PRDM5: variants seen among roughly 807,000 people sequenced by gnomAD.
PRDM5 encodes the protein PR/SET domain 5, also known as PR domain zinc finger protein 5.
A neutral mutation model predicts 81.2 loss-of-function variants in PRDM5; 56 were observed. That is an observed-to-expected ratio of 0.69 (90% CI 0.56 to 0.86). The LOEUF (loss-of-function observed/expected upper bound fraction) is 0.86. PRDM5 is among the 40% of genes least tolerant of loss of function. The probability of loss-of-function intolerance (pLI) is 0.00; values close to 1 mark genes in which losing one functional copy is unlikely to be tolerated. For missense variants in PRDM5, 697 were observed against 770.1 expected (o/e 0.91, Z 1.12); for synonymous variants, 267 against 256.4 (o/e 1.04, Z -0.39).
At chr4:120,839,218 C>G in intron 3 of PRDM5, 1 of 702,862 alleles carries the variant, frequency 1.4e-6, no homozygotes, top group Non-Finnish European at 2.6e-6. Flanking sequence ...AGGTCTCAGT[C>G]TTGTCTGTGT....
At chr4:120,921,890 A>C (rs1455377215) in intron 1 of PRDM5, among the ~76,000 whole-genome samples, 1 of 151,848 alleles carries the variant, frequency 6.6e-6, no homozygotes, top group Non-Finnish European at 1.5e-5. Context: ...CGGAGAAAAA[A>C]GGTATAGACA....
Position 120,781,968 on chromosome 4 carries a change from G to A in PRDM5, c.1283-665C>T, listed in dbSNP as rs1184473994. 4.6e-5 allele frequency among the ~76,000 whole-genome samples: 7 copies of A among 152,264 alleles called. No individual in the cohort carries two copies. The South Asian group carries it at 1.0e-3, about 23-fold the overall frequency. ...GGATAGCAAGACTATTAGCCACCCT[G>A]GGTATTTCACTTTCTTCTCATTATC... On this transcript the variant is annotated intron_variant, in intron 11 of 15. Transcript: ENST00000264808.
intron 2 of PRDM5, among the ~76,000 whole-genome samples, chr4:120,876,851 T>C (rs1436455324): frequency 6.6e-6 from 1 of 152,190 alleles, no homozygotes; most frequent in Non-Finnish European, 1.5e-5. Context: ...GGATGTACTA[T>C]GTTTTATATA....
intron 15 of PRDM5, among the ~76,000 whole-genome samples, chr4:120,704,616 C>G (rs1271061308): frequency 6.6e-6 from 1 of 152,190 alleles, no homozygotes; most frequent in African/African-American, 2.4e-5. Flanking sequence ...CTGCTAGGAA[C>G]AAAATGACAA....
intron 14 of PRDM5, among the ~76,000 whole-genome samples, chr4:120,741,581 G>A (rs563630369): frequency 4.6e-5 from 7 of 151,880 alleles, no homozygotes; most frequent in South Asian, 2.1e-4. Context: ...CACTGTGCAC[G>A]AGCCGAAGCA....
intron 13 of PRDM5, among the ~76,000 whole-genome samples, chr4:120,776,040 C>T (rs1401197726): frequency 6.6e-6 from 1 of 152,152 alleles, no homozygotes; most frequent in African/African-American, 2.4e-5. Flanking sequence ...TTCCCATGTG[C>T]TGCCCTCTGC....
chr4:120,881,924 C>A (rs148756055), intron 2 of PRDM5, among the ~76,000 whole-genome samples: 147 of 152,300 alleles, frequency 9.7e-4, no homozygotes, highest in Non-Finnish European at 5.0e-4. Context: ...ATCCCTCTGA[C>A]CAAAAATGGC....
chr4:120,797,054 T>C (rs996566079), intron 10 of PRDM5, among the ~76,000 whole-genome samples: 1 of 152,134 alleles, frequency 6.6e-6, no homozygotes, highest in African/African-American at 2.4e-5. Context: ...ACATGATACA[T>C]TCTGAAACAA....
At chr4:120,808,893 A>T (rs1468027277) in intron 8 of PRDM5, among the ~76,000 whole-genome samples, 1 of 152,100 alleles carries the variant, frequency 6.6e-6, no homozygotes, top group Non-Finnish European at 1.5e-5. Flanking sequence ...CCCACCTGGA[A>T]CTCACGCTGG....
chr4:120,886,837 A>G (rs1763487789), intron 2 of PRDM5, among the ~76,000 whole-genome samples: 1 of 152,116 alleles, frequency 6.6e-6, no homozygotes, highest in Non-Finnish European at 1.5e-5. Flanking sequence ...CCACCTTGTC[A>G]TCCCTCTCAG....
At chr4:120,754,692 C>T (rs1400489256) in intron 13 of PRDM5, 54 bp from the exon 14 acceptor site, 4 of 1,222,200 alleles carry the variant, frequency 3.3e-6, no homozygotes, top group African/African-American at 1.5e-5. Flanking sequence ...CAGAACCAGT[C>T]CTGTGCTATC....
At chr4:120,749,414 A>G (rs1265864126) in intron 14 of PRDM5, among the ~76,000 whole-genome samples, 3 of 152,274 alleles carry the variant, frequency 2.0e-5, no homozygotes, top group South Asian at 4.2e-4. Flanking sequence ...CGTAAGAAAG[A>G]TTAGAGGCAG....
chr4:120,889,218 C>T (rs1322459722), intron 2 of PRDM5, among the ~76,000 whole-genome samples: 3 of 152,078 alleles, frequency 2.0e-5, no homozygotes, highest in East Asian at 1.9e-4. Flanking sequence ...TTTACATTTA[C>T]AATAATATTA....
intron 10 of PRDM5, among the ~76,000 whole-genome samples, chr4:120,796,355 A>G (rs1751349323): frequency 6.6e-6 from 1 of 152,244 alleles, no homozygotes. Flanking sequence ...TTTGGAAATT[A>G]CAAGCATCAT....
At chr4:120,860,972 C>A (rs772256239) in intron 2 of PRDM5, among the ~76,000 whole-genome samples, 3 of 152,094 alleles carry the variant, frequency 2.0e-5, no homozygotes, top group Non-Finnish European at 4.4e-5. Flanking sequence ...AGATTTCAGA[C>A]CTGCAAAGAC....
chr4:120,769,787 C>T (rs1746969889), intron 13 of PRDM5, among the ~76,000 whole-genome samples: 1 of 152,130 alleles, frequency 6.6e-6, no homozygotes, highest in Non-Finnish European at 1.5e-5. Flanking sequence ...CTTCAGAAGA[C>T]TGCTTCTCTA....
At chr4:120,838,889 A>C (rs1757671097) in intron 3 of PRDM5, 2 of 296,914 alleles carry the variant, frequency 6.7e-6, no homozygotes, top group African/African-American at 4.2e-5. Context: ...ATGGAGCGGC[A>C]AGGGGTGTGA....
intron 10 of PRDM5, among the ~76,000 whole-genome samples, chr4:120,794,989 G>C (rs760156659): frequency 6.7e-4 from 102 of 152,102 alleles, no homozygotes; most frequent in Non-Finnish European, 1.1e-3. Flanking sequence ...CTACACAGCA[G>C]TCATGGCCCA....
chr4:120,887,285 C>A (rs1016607041), intron 2 of PRDM5, among the ~76,000 whole-genome samples: 1 of 148,004 alleles, frequency 6.8e-6, no homozygotes, highest in South Asian at 2.2e-4. Context: ...CAAGCCCCAT[C>A]AGTGTTAGTT....
Sources: allele counts gnomAD v4.1 joint callset (sites outside exome capture counted in the v4.1 genomes callset), GRCh38; gene constraint gnomAD v4.1.1; transcripts MANE v1.5; gene names NCBI Gene and HGNC (gene_info 2026-07-23, HGNC 2026-07-21).